The following ODR4 variants were observed in gnomAD, a reference collection of about 807,000 sequenced individuals.
The protein encoded by ODR4 is odr-4 GPCR localization factor homolog.
ODR4 carries 47 observed loss-of-function variants against 60.2 expected under a neutral mutation model. The ratio of observed to expected loss-of-function variants is 0.78; its 90% CI spans 0.62 to 1.00. ODR4 has a LOEUF of 1.00. ODR4 is among the 50% of genes least tolerant of loss of function. ODR4 has a pLI of 0.00. For synonymous variants in ODR4, 178 were observed against 175.5 expected, an observed-to-expected ratio of 1.01 and a Z score of -0.11; for missense variants, 488 against 530.8, an observed-to-expected ratio of 0.92 and a Z score of 0.79.
chr1:186,432,155 TA>T, the ODR4 span, among the ~76,000 whole-genome samples: 1 of 152,184 alleles, frequency 6.6e-6, no homozygotes, highest in African/African-American at 2.4e-5. Context: ...CTAAAGACAT[TA>T]AGGCTACAGT....
intron 9 of ODR4, among the ~76,000 whole-genome samples, chr1:186,396,951 G>A (rs908396269): frequency 2.0e-5 from 3 of 152,086 alleles, no homozygotes; most frequent in Non-Finnish European, 4.4e-5. Context: ...CCTTATTGAT[G>A]TATCAATGAA....
At chr1:186,400,907 G>A (rs1349256651) in intron 11 of ODR4, 1 of 722,456 alleles carries the variant, frequency 1.4e-6, no homozygotes, top group African/African-American at 1.8e-5. Context: ...CATCAGTCTA[G>A]CAGCCCCATC....
chr1:186,429,757 A>G, the ODR4 span, among the ~76,000 whole-genome samples: 1 of 152,210 alleles, frequency 6.6e-6, no homozygotes, highest in Admixed American at 6.5e-5. Flanking sequence ...CTTACCTAAA[A>G]GATTTGTCTA....
At chr1:186,422,030 T>G (rs895161751), downstream of ODR4, among the ~76,000 whole-genome samples, 3 of 151,832 alleles carry the variant, frequency 2.0e-5, no homozygotes, top group African/African-American at 7.3e-5. Flanking sequence ...AAAATGAATA[T>G]GAATAGACAA....
chr1:186,430,055 T>A, the ODR4 span, among the ~76,000 whole-genome samples: 2 of 152,104 alleles, frequency 1.3e-5, no homozygotes, highest in East Asian at 3.8e-4. Flanking sequence ...TTTCATTGGA[T>A]TTTTATAACA....
chr1:186,390,583 G>T, intron 6 of ODR4, 128 bp from the exon 7 acceptor site: 1 of 930,878 alleles, frequency 1.1e-6, no homozygotes, highest in Non-Finnish European at 1.7e-6. Context: ...TTGATCAAGG[G>T]TTTAGCCATA....
At chr1:186,401,239 T>G in intron 11 of ODR4, 1 of 1,405,960 alleles carries the variant, frequency 7.1e-7, no homozygotes, top group East Asian at 2.4e-5. Context: ...TTGTACTGTT[T>G]GTATGTTAAA....
Position 186,391,755 on chromosome 1 carries a change from A to G in ODR4, c.675A>G (p.Gln225=). 5.6e-6 allele frequency: 9 copies of G among 1,604,484 alleles called. No homozygotes were observed. The South Asian group carries it at 1.0e-4, about 18-fold the overall frequency. ...IENGVYLING[Q]VKDEDCDLLE... ...ATGGTGTTTATTTGATTAATGGACA[A>G]GTTAAAGATGAAGATTGTGACCTAT... The change falls in exon 8 of 14, where the codon CAA becomes CAG. Residue 225 remains glutamine (Q), a synonymous_variant. Coordinates refer to ENST00000287859, the MANE Select transcript of ODR4 (RefSeq NM_017847.6).
At position 186,421,062 on chromosome 1, in the gene ODR4, C is replaced by A. The variant is rs554724722; in HGVS notation, c.*1986C>A. 1.3e-5 allele frequency: 2 copies of A among 152,168 alleles called. No individual in the cohort carries two copies. The highest frequency in any genetic ancestry group is 1.3e-4 in the Admixed American group (2 of 15,282). The allele number at this position is 152,168 out of a possible 1,614,324, so 9.4% of individuals were successfully genotyped here. On this transcript the variant is annotated 3_prime_UTR_variant, in exon 14 of 14. Coordinates refer to ENST00000287859, the MANE Select transcript of ODR4 (RefSeq NM_017847.6). Reference sequence around the variant, plus strand: ...TAGGCTTCCTAACAGCAACAATGTACCCAAAAGAGGGTAGAATTCTGAGAA... The same window carrying A: ...TAGGCTTCCTAACAGCAACAATGTAACCAAAAGAGGGTAGAATTCTGAGAA...
rs554301712 is a variant in ODR4, at chr1:186,401,485, T to A, written c.1000+2441T>A. ...CCGTCTTTCTGTCTGTCTTTCTTTC[T>A]CTCTTTCTTTCTTTCTCTCTCTCTC... On this transcript the variant is annotated intron_variant, in intron 11 of 13. Coordinates refer to ENST00000287859, the MANE Select transcript of ODR4 (RefSeq NM_017847.6). 42 of 210,074 alleles carry A rather than the reference T, an allele frequency of 2.0e-4. No individual in the cohort carries two copies. In the South Asian group the frequency reaches 3.8e-3, roughly 19 times the overall value. 13.0% of individuals were successfully genotyped at this position (210,074 alleles called of 1,614,324 possible).
At chr1:186,404,459 T>C (rs1661099848) in intron 11 of ODR4, among the ~76,000 whole-genome samples, 1 of 152,212 alleles carries the variant, frequency 6.6e-6, no homozygotes, top group African/African-American at 2.4e-5. Context: ...TAGTTTGAAA[T>C]GGTTTTAAAA....
intron 2 of ODR4, among the ~76,000 whole-genome samples, chr1:186,382,327 T>TG (rs947663444): frequency 2.0e-5 from 3 of 150,982 alleles, no homozygotes; most frequent in South Asian, 2.1e-4. Flanking sequence ...GGAGACTACT[T>TG]GGGGGGAGGA....
chr1:186,405,910 A>T (rs1661157836), intron 11 of ODR4, among the ~76,000 whole-genome samples, 173 bp from the exon 12 acceptor site: 1 of 152,160 alleles, frequency 6.6e-6, no homozygotes, highest in Non-Finnish European at 1.5e-5. Flanking sequence ...AGGGGTTTTG[A>T]GGTAAAGCAG....
intron 12 of ODR4, among the ~76,000 whole-genome samples, chr1:186,410,240 A>T (rs569500105): frequency 6.6e-6 from 1 of 152,230 alleles, no homozygotes; most frequent in African/African-American, 2.4e-5. Flanking sequence ...TGTGTAGTAT[A>T]GTATATTGAA....
chr1:186,416,310 C>A (rs1328203306), intron 12 of ODR4, among the ~76,000 whole-genome samples: 1 of 152,028 alleles, frequency 6.6e-6, no homozygotes, highest in African/African-American at 2.4e-5. Flanking sequence ...CCGAGACAGG[C>A]AGATCACTTA....
At chr1:186,418,920 C>A in intron 13 of ODR4, 89 bp from the exon 14 acceptor site, 2 of 1,068,588 alleles carry the variant, frequency 1.9e-6, no homozygotes, top group South Asian at 1.3e-5. Flanking sequence ...TTAGGCCCAT[C>A]AGTTACCCAC....
chr1:186,413,785 A>G (rs1661455868), intron 12 of ODR4, among the ~76,000 whole-genome samples: 1 of 152,330 alleles, frequency 6.6e-6, no homozygotes, highest in African/African-American at 2.4e-5. Flanking sequence ...GGAAGAACAC[A>G]GGCTACTAAG....
intron 12 of ODR4, chr1:186,411,786 A>G (rs1295806166): frequency 1.3e-5 from 9 of 712,018 alleles, no homozygotes; most frequent in African/African-American, 1.9e-5. Context: ...TTTACTGTCT[A>G]TATTTCTCTT....
At chr1:186,414,357 T>C (rs1661478042) in intron 12 of ODR4, among the ~76,000 whole-genome samples, 1 of 147,656 alleles carries the variant, frequency 6.8e-6, no homozygotes, top group African/African-American at 2.5e-5. Context: ...ATTAAATATA[T>C]AAGTAATATA....
Sources: gnomAD v4.1 joint callset for allele counts (sites outside exome capture counted in the v4.1 genomes callset) on GRCh38, gnomAD v4.1.1 for gene constraint, MANE v1.5 for transcripts, NCBI Gene and HGNC (gene_info 2026-07-23, HGNC 2026-07-21) for gene names.